Variants in CNBD1 observed in about 807,000 individuals in gnomAD.
CNBD1 encodes cyclic nucleotide binding domain containing 1.
Under a neutral mutation model 54.4 loss-of-function variants are expected in CNBD1, and 71 were observed. The observed-to-expected ratio is 1.30, with a 90% CI of 1.08 to 1.59. The LOEUF is 1.59. Ranked by LOEUF, CNBD1 falls within the 40% of genes most tolerant of loss-of-function variation. The pLI is 0.00. For synonymous variants in CNBD1, 182 were observed against 170.7 expected (o/e 1.07, Z -0.51); for missense variants, 659 against 518.0 (o/e 1.27, Z -2.64).
chr8:87,072,372 C>A (rs972086325), intron 4 of CNBD1, among the ~76,000 whole-genome samples: 2 of 152,040 alleles, frequency 1.3e-5, no homozygotes, highest in African/African-American at 4.8e-5. Flanking sequence ...ATTTTGCAGA[C>A]TTGTTTATGT....
At chr8:87,226,720 G>A (rs1487302903) in intron 5 of CNBD1, among the ~76,000 whole-genome samples, 3 of 151,920 alleles carry the variant, frequency 2.0e-5, no homozygotes, top group African/African-American at 7.3e-5. Flanking sequence ...ATATTCTGTT[G>A]ATTTGGGTGG....
chr8:87,400,737 C>T (rs1220588177), intron 2 of CNBD1, among the ~76,000 whole-genome samples: 2 of 151,578 alleles, frequency 1.3e-5, no homozygotes, highest in African/African-American at 4.8e-5. Context: ...GAAGAATTCT[C>T]AAAGGAAAAA....
intron 2 of CNBD1, among the ~76,000 whole-genome samples, chr8:87,404,378 G>T (rs1807618923): frequency 1.3e-5 from 2 of 151,916 alleles, no homozygotes; most frequent in Middle Eastern, 3.2e-3. Flanking sequence ...AAAAGAAATG[G>T]TTATGTACAC....
chr8:87,387,359 C>A (rs911726478), downstream of CNBD1, among the ~76,000 whole-genome samples: 7 of 151,876 alleles, frequency 4.6e-5, no homozygotes, highest in Non-Finnish European at 7.4e-5. Context: ...TTCAGGAAAC[C>A]CATCTCACGT....
chr8:87,107,079 C>G (rs1396066283), intron 4 of CNBD1, among the ~76,000 whole-genome samples: 1 of 152,114 alleles, frequency 6.6e-6, no homozygotes, highest in Non-Finnish European at 1.5e-5. Flanking sequence ...CCACCTGCCT[C>G]GGCCTCCCAA....
intron 4 of CNBD1, among the ~76,000 whole-genome samples, chr8:87,031,022 G>T (rs1237328122): frequency 6.9e-6 from 1 of 145,352 alleles, no homozygotes; most frequent in Non-Finnish European, 1.5e-5. Flanking sequence ...AATTCTTCCA[G>T]AAGCCCTCTT....
intron 8 of CNBD1, among the ~76,000 whole-genome samples, chr8:87,337,585 C>A (rs201101985): frequency 6.6e-6 from 1 of 152,202 alleles, no homozygotes; most frequent in African/African-American, 2.4e-5. Context: ...GGTGGTGACC[C>A]AAGGCCCTGG....
chr8:86,959,105 T>C (rs919362620), intron 4 of CNBD1, among the ~76,000 whole-genome samples: 1 of 152,212 alleles, frequency 6.6e-6, no homozygotes, highest in Non-Finnish European at 1.5e-5. Flanking sequence ...CCTTCACTTA[T>C]GAAGCTTATT....
chr8:87,324,635 G>A (rs1809628296), intron 8 of CNBD1, among the ~76,000 whole-genome samples: 1 of 151,040 alleles, frequency 6.6e-6, no homozygotes, highest in South Asian at 2.1e-4. Flanking sequence ...TATTTCTGTG[G>A]GATCAGTGGT....
At chr8:87,229,702 C>G (rs2130819029) in intron 5 of CNBD1, among the ~76,000 whole-genome samples, 1 of 151,968 alleles carries the variant, frequency 6.6e-6, no homozygotes, top group East Asian at 1.9e-4. Context: ...GAATAAGGAT[C>G]ATTTTCCTTT....
At chr8:86,930,061 C>T (rs1453325392) in intron 3 of CNBD1, among the ~76,000 whole-genome samples, 1 of 152,158 alleles carries the variant, frequency 6.6e-6, no homozygotes, top group Non-Finnish European at 1.5e-5. Context: ...TCCCATTCTC[C>T]TAGATGAGTA....
At chr8:86,872,976 A>G (rs927604677) in intron 1 of CNBD1, among the ~76,000 whole-genome samples, 1 of 152,142 alleles carries the variant, frequency 6.6e-6, no homozygotes, top group South Asian at 2.1e-4. Context: ...GAGAAAGCTG[A>G]GGCAGGAGGA....
At chr8:86,976,499 G>A (rs943982294) in intron 4 of CNBD1, among the ~76,000 whole-genome samples, 5 of 151,760 alleles carry the variant, frequency 3.3e-5, no homozygotes, top group African/African-American at 1.2e-4. Context: ...CTTTCTCCAA[G>A]ATTGCTTTGG....
chr8:87,411,397 CATATATATATATATATATAT>C (rs6150689), intron 2 of CNBD1, among the ~76,000 whole-genome samples: 3 of 92,412 alleles, frequency 3.2e-5, no homozygotes, highest in South Asian at 4.5e-4. Context: ...CTAGCTATAT[CATATATATATATATATATAT>C]ATATATATAT....
chr8:86,884,743 C>T (rs990012786), intron 1 of CNBD1, among the ~76,000 whole-genome samples: 1 of 152,168 alleles, frequency 6.6e-6, no homozygotes, highest in Admixed American at 6.5e-5. Flanking sequence ...GGTTGCTATT[C>T]TTACTACAAA....
At chr8:87,120,352 TCAGTGTATAGTTGTTCATGA>T (rs955075508) in intron 4 of CNBD1, among the ~76,000 whole-genome samples, 1 of 152,074 alleles carries the variant, frequency 6.6e-6, no homozygotes, top group Non-Finnish European at 1.5e-5. Flanking sequence ...TTCCATTTTG[TCAGTGTATAGTTGTTCATGA>T]CAGTCTCTGA....
At chr8:87,416,390 G>A (rs1193031783) in intron 2 of CNBD1, among the ~76,000 whole-genome samples, 3 of 151,982 alleles carry the variant, frequency 2.0e-5, no homozygotes, top group Non-Finnish European at 2.9e-5. Flanking sequence ...ATTTATTCAA[G>A]AAAAGTGGAT....
intron 6 of CNBD1, among the ~76,000 whole-genome samples, chr8:87,256,004 TATA>T (rs1808008031): frequency 1.1e-3 from 22 of 19,142 alleles, no homozygotes; most frequent in Non-Finnish European, 1.6e-3. Context: ...TATATATATA[TATA>T]TATATATATT....
intron 4 of CNBD1, among the ~76,000 whole-genome samples, chr8:87,060,662 A>G (rs193259711): frequency 6.6e-5 from 10 of 152,318 alleles, no homozygotes; most frequent in Admixed American, 2.6e-4. Context: ...TAAGCTTGAG[A>G]GTGATAAAAA....
Sources: allele counts gnomAD v4.1 joint callset (sites outside exome capture counted in the v4.1 genomes callset), GRCh38; gene constraint gnomAD v4.1.1; transcripts MANE v1.5; gene names NCBI Gene and HGNC (gene_info 2026-07-23, HGNC 2026-07-21).